The following AGBL4 variants were observed in gnomAD, a reference collection of about 807,000 sequenced individuals.
AGBL4 encodes the protein AGBL carboxypeptidase 4, also known as cytosolic carboxypeptidase 6.
Under a neutral mutation model 66.4 loss-of-function variants are expected in AGBL4, and 58 were observed. That is an observed-to-expected ratio of 0.87 (90% CI 0.71 to 1.09). AGBL4 has a LOEUF of 1.09. Among genes scored for constraint, AGBL4 ranks in the 50% least tolerant of loss-of-function variants. The probability of loss-of-function intolerance (pLI) is 0.00; values close to 1 mark genes in which losing one functional copy is unlikely to be tolerated. For synonymous variants in AGBL4, 234 were observed against 222.9 expected (o/e 1.05, Z -0.44); for missense variants, 579 against 631.0 (o/e 0.92, Z 0.88).
intron 1 of AGBL4, among the ~76,000 whole-genome samples, chr1:49,930,471 A>G (rs1653222185): frequency 6.6e-6 from 1 of 152,170 alleles, no homozygotes; most frequent in African/African-American, 2.4e-5. Context: ...AAATGAAGAC[A>G]TTACAAGAAA....
chr1:49,097,624 C>G (rs1019718949), intron 4 of AGBL4, among the ~76,000 whole-genome samples: 1 of 152,228 alleles, frequency 6.6e-6, no homozygotes, highest in African/African-American at 2.4e-5. Flanking sequence ...CTCTGCTGCC[C>G]AGGCCAGAGT....
chr1:49,753,195 C>T (rs542147168), intron 2 of AGBL4, among the ~76,000 whole-genome samples: 2 of 152,270 alleles, frequency 1.3e-5, no homozygotes, highest in East Asian at 3.9e-4. Context: ...TGGTTTTGCA[C>T]TGGCTGGTAC....
chr1:49,365,949 T>C (rs1353742466), intron 3 of AGBL4, among the ~76,000 whole-genome samples: 2 of 152,048 alleles, frequency 1.3e-5, no homozygotes, highest in Admixed American at 1.3e-4. Flanking sequence ...GAGCACTGAA[T>C]GAGATAACAA....
intron 5 of AGBL4, among the ~76,000 whole-genome samples, chr1:48,946,784 G>C (rs1656548320): frequency 6.6e-6 from 1 of 152,194 alleles, no homozygotes; most frequent in African/African-American, 2.4e-5. Flanking sequence ...GTAGAGGGAA[G>C]CACAGAGCTG....
chr1:48,887,922 T>C (rs1243114145), intron 5 of AGBL4, among the ~76,000 whole-genome samples: 1 of 152,140 alleles, frequency 6.6e-6, no homozygotes, highest in Non-Finnish European at 1.5e-5. Context: ...CAGTCTCTGT[T>C]TGTAGAATGA....
intron 11 of AGBL4, among the ~76,000 whole-genome samples, chr1:48,563,800 G>A (rs949987670): frequency 6.6e-6 from 1 of 152,146 alleles, no homozygotes; most frequent in African/African-American, 2.4e-5. Flanking sequence ...GTGAAGTCAG[G>A]CCTAGCTGTA....
At chr1:49,998,152 C>A (rs1660497511) in intron 1 of AGBL4, among the ~76,000 whole-genome samples, 1 of 151,548 alleles carries the variant, frequency 6.6e-6, no homozygotes, top group African/African-American at 2.4e-5. Context: ...AAACAAAAAG[C>A]AGATTCTTTG....
chr1:48,717,081 A>G (rs1329825669), intron 6 of AGBL4, among the ~76,000 whole-genome samples: 1 of 152,224 alleles, frequency 6.6e-6, no homozygotes, highest in African/African-American at 2.4e-5. Flanking sequence ...GCAGGCGCGG[A>G]TAGTGCAGTG....
At chr1:48,644,361 A>G (rs1645802975) in intron 8 of AGBL4, among the ~76,000 whole-genome samples, 1 of 152,240 alleles carries the variant, frequency 6.6e-6, no homozygotes, top group South Asian at 2.1e-4. Flanking sequence ...GGCTGGGTTA[A>G]GAGGTGCCTC....
intron 6 of AGBL4, among the ~76,000 whole-genome samples, chr1:48,798,474 T>C (rs1264641660): frequency 6.6e-6 from 1 of 152,236 alleles, no homozygotes; most frequent in Non-Finnish European, 1.5e-5. Context: ...AGAAGCCTTT[T>C]AGTTTAATTA....
intron 3 of AGBL4, among the ~76,000 whole-genome samples, chr1:49,318,112 G>A (rs924001424): frequency 6.6e-6 from 1 of 151,968 alleles, no homozygotes; most frequent in Non-Finnish European, 1.5e-5. Context: ...ATATTTAAAA[G>A]TCATGAAGCC....
chr1:48,956,364 C>G (rs1471118908), intron 5 of AGBL4, among the ~76,000 whole-genome samples: 1 of 152,196 alleles, frequency 6.6e-6, no homozygotes, highest in Non-Finnish European at 1.5e-5. Flanking sequence ...CTAATAGCAA[C>G]AGACAAAATT....
intron 3 of AGBL4, among the ~76,000 whole-genome samples, chr1:49,304,965 T>C (rs1390821312): frequency 1.3e-5 from 2 of 152,210 alleles, no homozygotes; most frequent in Admixed American, 6.5e-5. Context: ...ATTTTCTATG[T>C]GCCAAAACTG....
intron 9 of AGBL4, among the ~76,000 whole-genome samples, chr1:48,599,302 GTATTAT>G (rs1378221648): frequency 6.6e-6 from 1 of 152,234 alleles, no homozygotes; most frequent in South Asian, 2.1e-4. Flanking sequence ...ACATAGTTAC[GTATTAT>G]TATTAAGTGT....
At chr1:48,551,255 A>T (rs938519691) in intron 11 of AGBL4, among the ~76,000 whole-genome samples, 1 of 152,222 alleles carries the variant, frequency 6.6e-6, no homozygotes, top group African/African-American at 2.4e-5. Flanking sequence ...ATGGGTTTTA[A>T]TCCTGGCTCC....
At chr1:50,008,100 C>G (rs530192848) in intron 1 of AGBL4, among the ~76,000 whole-genome samples, 4 of 152,260 alleles carry the variant, frequency 2.6e-5, no homozygotes, top group African/African-American at 9.6e-5. Flanking sequence ...CAACACCCTG[C>G]TTTTAGCACT....
intron 3 of AGBL4, among the ~76,000 whole-genome samples, chr1:49,614,018 A>C (rs1645204022): frequency 6.6e-6 from 1 of 152,218 alleles, no homozygotes; most frequent in African/African-American, 2.4e-5. Context: ...TTTTCTGTTT[A>C]GAACACACTT....
At chr1:49,690,413 A>C (rs1344713715) in intron 3 of AGBL4, among the ~76,000 whole-genome samples, 2 of 152,126 alleles carry the variant, frequency 1.3e-5, no homozygotes, top group Non-Finnish European at 2.9e-5. Flanking sequence ...TTCAATAGTT[A>C]GCTATATTTT....
At chr1:49,897,777 G>C (rs1459644085) in intron 1 of AGBL4, among the ~76,000 whole-genome samples, 3 of 151,818 alleles carry the variant, frequency 2.0e-5, no homozygotes, top group African/African-American at 7.3e-5. Context: ...ATAAAACATA[G>C]AAAAATGGAG....
Sources: gnomAD v4.1 joint callset for allele counts (sites outside exome capture counted in the v4.1 genomes callset) on GRCh38, gnomAD v4.1.1 for gene constraint, MANE v1.5 for transcripts, NCBI Gene and HGNC (gene_info 2026-07-23, HGNC 2026-07-21) for gene names.